The following NOL12 variants were observed in gnomAD, a reference collection of about 807,000 sequenced individuals.
NOL12 encodes nucleolar protein 12.
Under a neutral mutation model 25.2 loss-of-function variants are expected in NOL12, and 21 were observed. The ratio of observed to expected loss-of-function variants is 0.83; its 90% confidence interval spans 0.59 to 1.20. The LOEUF (loss-of-function observed/expected upper bound fraction) is 1.20. NOL12 is among the 50% of genes most tolerant of loss of function. The pLI is 0.00. For missense variants in NOL12, 286 were observed against 287.6 expected (o/e 0.99, Z 0.04); for synonymous variants, 133 against 113.8 (o/e 1.17, Z -1.08).
intron 3 of NOL12, 90 bp from the exon 4 acceptor site, chr22:37,688,760 G>C (rs1342555028): frequency 7.3e-7 from 1 of 1,364,762 alleles, no homozygotes; most frequent in East Asian, 2.3e-5. Context: ...CCACAGAGTA[G>C]AGGGGGCACT....
Position 37,691,965 on chromosome 22 carries a change from G to C in NOL12, c.*629G>C, listed in dbSNP as rs1338416115. On this transcript the variant is annotated 3_prime_UTR_variant, in exon 6 of 6. Transcript: ENST00000359114. ...ACACTGAAGTGGTGGAAGCAGTTGAGTGCCAGGTCATCCCCCATCACCACA... is the reference window on the plus strand; with the variant it reads ...ACACTGAAGTGGTGGAAGCAGTTGACTGCCAGGTCATCCCCCATCACCACA... The C allele has an allele frequency of 6.6e-6, 1 of 152,550 alleles. No individual in the cohort carries two copies. The highest frequency in any genetic ancestry group is 1.5e-5 in the Non-Finnish European group (1 of 68,268). The allele number at this position is 152,550 out of a possible 1,614,324, so 9.4% of individuals were successfully genotyped here.
Position 37,686,440 on chromosome 22 carries a change from G to A in NOL12, c.48G>A (p.Pro16=), listed in dbSNP as rs757228384. The A allele has an allele frequency of 1.4e-5, 22 of 1,605,648 alleles. No homozygotes were observed. The highest frequency in any genetic ancestry group is 1.1e-4 in the East Asian group (5 of 43,962). ...AGCGAGATGGTGACGACCGGCGGCC[G>A]AGGCTCGTTCTTAGCTTCGACGAGG... The part of the protein sequence containing the change: ...KKKRDGDDRR[P]RLVLSFDEEK... The change falls in exon 1 of 6, where the codon CCG becomes CCA. Residue 16 remains proline, a synonymous_variant. Coordinates refer to ENST00000359114, the MANE Select transcript of NOL12 (RefSeq NM_024313.3).
chr22:37,687,931 C>A lies in NOL12; in HGVS notation c.105C>A (p.His35Gln). 6.3e-7 allele frequency: 1 copy of A among 1,579,810 alleles called. No individual in the cohort carries two copies. Among genetic ancestry groups the A allele is most frequent in the African/African-American group, 1.3e-5 (1 of 74,376 alleles). Residue 35 changes from histidine to glutamine, a missense_variant, in exon 2 of 6, where the codon CAC becomes CAA. Physicochemically the swap from His to Gln is conservative, Grantham distance 24 (BLOSUM62 0). Transcript: ENST00000359114. ...EKRREYLTGF[H>Q]KRKVERKKAA... Reference sequence around the variant, plus strand: ...GTAGGGAGTACCTGACAGGCTTCCACAAGCGGAAGGTCGAGCGAAAGAAGG... The same window carrying A: ...GTAGGGAGTACCTGACAGGCTTCCAAAAGCGGAAGGTCGAGCGAAAGAAGG...
At position 37,691,462 on chromosome 22, in the gene NOL12, C is replaced by G. The variant is rs1179743828; in HGVS notation, c.*126C>G. On this transcript the variant is annotated 3_prime_UTR_variant, in exon 6 of 6. Transcript: ENST00000359114. Reference sequence around the variant, plus strand: ...CAGCTCAAGGTTGGGAAGCCAGGACCTCTCTGGCCTGGGGCCAGCTGCCTT... The same window carrying G: ...CAGCTCAAGGTTGGGAAGCCAGGACGTCTCTGGCCTGGGGCCAGCTGCCTT... 13 of 1,123,410 alleles carry G rather than the reference C, an allele frequency of 1.2e-5. No individual in the cohort carries two copies. The highest frequency in any genetic ancestry group is 8.7e-5 in the South Asian group (4 of 45,974). The allele number at this position is 1,123,410 out of a possible 1,614,324, so 69.6% of individuals were successfully genotyped here. A position where few individuals can be genotyped will look rare whatever the true frequency, so the allele number is the denominator to read the frequency against.
chr22:37,687,257 GGC>G (rs1491113226), intron 1 of NOL12: 4 of 139,656 alleles, frequency 2.9e-5, no homozygotes, highest in South Asian at 7.6e-4. Context: ...TACTGTGTGT[GGC>G]CCCCCCCCCC....
chr22:37,688,022 A>AG lies in NOL12; in HGVS notation c.189+12dup. Reference sequence around the variant, plus strand: ...GAGGAAGCTTCGGGAGGAGGTACGCAGGGGGAAGGTGGGAGGGAGGTCTTT... The same window carrying AG: ...GAGGAAGCTTCGGGAGGAGGTACGCAGGGGGGAAGGTGGGAGGGAGGTCTTT... On this transcript the variant is annotated splice_region_variant and intron_variant, in intron 2 of 5. Transcript: ENST00000359114. 2 of 844,748 alleles carry AG rather than the reference A, an allele frequency of 2.4e-6. No individual in the cohort carries two copies. The highest frequency in any genetic ancestry group is 3.7e-6 in the Non-Finnish European group (2 of 546,988). The allele number at this position is 844,748 out of a possible 1,614,324, so 52.3% of individuals were successfully genotyped here.
In NOL12 at chr22:37,692,705, C is replaced by G. The variant is rs886793216; in HGVS notation, c.*1369C>G. 5.0e-6 allele frequency: 2 copies of G among 399,004 alleles called. No homozygotes were observed. The highest frequency in any genetic ancestry group is 8.8e-6 in the Non-Finnish European group (2 of 226,470). 24.7% of individuals were successfully genotyped at this position (399,004 alleles called of 1,614,324 possible). ...GGCATCTGCGACAGGACTGCGGGCT[C>G]TACCCGCCCTGATGTGGGAGCTCCT... On this transcript the variant is annotated 3_prime_UTR_variant, in exon 6 of 6. Coordinates refer to ENST00000359114, the MANE Select transcript of NOL12 (RefSeq NM_024313.3).
At chr22:37,688,738 T>C in intron 3 of NOL12, 112 bp from the exon 4 acceptor site, 1 of 1,064,864 alleles carries the variant, frequency 9.4e-7, no homozygotes, top group Non-Finnish European at 1.4e-6. Context: ...ACCTTGTGGA[T>C]GCGCTCCACG....
At chr22:37,686,515 C>T (rs751640925) in intron 1 of NOL12, 40 bp downstream of exon 1, 1 of 1,546,378 alleles carries the variant, frequency 6.5e-7, no homozygotes, top group South Asian at 1.2e-5. Flanking sequence ...TCGAGCTGTT[C>T]TTCGCGGCCA....
intron 4 of NOL12, among the ~76,000 whole-genome samples, chr22:37,689,457 G>A (rs1260951161): frequency 3.3e-5 from 5 of 152,184 alleles, no homozygotes; most frequent in Admixed American, 6.5e-5. Flanking sequence ...TGTGCGATTC[G>A]CAGCCCTGGC....
chr22:37,686,391 C>T lies in NOL12; in HGVS notation c.-2C>T, dbSNP rs989095630. On this transcript the variant is annotated 5_prime_UTR_variant, in exon 1 of 6. Transcript: ENST00000359114. ...GGAGAGGAAGCCGGCGGCCTCACTG[C>T]TATGGGCCGCAACAAGAAGAAGAAG... 6.2e-7 allele frequency: 1 copy of T among 1,601,152 alleles called. No homozygotes were observed. The highest frequency in any genetic ancestry group is 8.5e-7 in the Non-Finnish European group (1 of 1,175,524).
Position 37,693,426 on chromosome 22 carries a change from C to T in NOL12, c.*2090C>T, listed in dbSNP as rs1922156173. The T allele has an allele frequency of 6.6e-6, 1 of 152,418 alleles. No individual in the cohort carries two copies. 9.4% of individuals were successfully genotyped at this position (152,418 alleles called of 1,614,324 possible). Reference sequence around the variant, plus strand: ...CAGTGACAAGGTCATTTACAACTTACATTTACAATTTATAGTGTTTACCAG... The same window carrying T: ...CAGTGACAAGGTCATTTACAACTTATATTTACAATTTATAGTGTTTACCAG... On this transcript the variant is annotated 3_prime_UTR_variant, in exon 6 of 6. Coordinates refer to ENST00000359114, the MANE Select transcript of NOL12 (RefSeq NM_024313.3).
intron 1 of NOL12, chr22:37,687,071 C>T (rs571868265): frequency 2.0e-6 from 2 of 985,360 alleles, no homozygotes; most frequent in African/African-American, 1.7e-5. Context: ...TGCTGGGCAT[C>T]ATCAGGAAAC....
intron 3 of NOL12, 42 bp downstream of exon 3, chr22:37,688,402 G>A (rs767006891): frequency 6.2e-7 from 1 of 1,601,242 alleles, no homozygotes; most frequent in South Asian, 1.1e-5. Flanking sequence ...CAGCTGATGG[G>A]CCTGGTTTAT....
chr22:37,688,481 G>GC, intron 3 of NOL12, 121 bp downstream of exon 3: 1 of 1,023,812 alleles, frequency 9.8e-7, no homozygotes, highest in Non-Finnish European at 1.5e-6. Flanking sequence ...GTACCCTGGG[G>GC]CCAGGGGTGG....
intron 1 of NOL12, chr22:37,687,257 G>GC (rs1921858020): frequency 7.2e-6 from 1 of 139,654 alleles, no homozygotes; most frequent in African/African-American, 3.9e-5. Flanking sequence ...TACTGTGTGT[G>GC]GCCCCCCCCC....
chr22:37,686,541 C>T, intron 1 of NOL12, 66 bp downstream of exon 1: 5 of 1,465,510 alleles, frequency 3.4e-6, no homozygotes, highest in Non-Finnish European at 4.5e-6. Context: ...AGGTCTGGGG[C>T]CGAGCACGCT....
At chr22:37,690,064 G>A (rs1181555179) in intron 4 of NOL12, among the ~76,000 whole-genome samples, 4 of 152,224 alleles carry the variant, frequency 2.6e-5, no homozygotes, top group African/African-American at 9.6e-5. Flanking sequence ...CCAGCTACTC[G>A]GGAGGCTGAA....
In NOL12 at chr22:37,692,650, G is replaced by T; in HGVS notation, c.*1314G>T. 2.5e-6 allele frequency: 1 copy of T among 398,824 alleles called. No homozygotes were observed. The highest frequency in any genetic ancestry group is 4.4e-6 in the Non-Finnish European group (1 of 226,208). 24.7% of individuals were successfully genotyped at this position (398,824 alleles called of 1,614,324 possible). ...GGCTTGCTGACGCCCGTGGACTATGGAGTCAGGATGACAGGACAGTGCGGT... is the reference window on the plus strand; with the variant it reads ...GGCTTGCTGACGCCCGTGGACTATGTAGTCAGGATGACAGGACAGTGCGGT... On this transcript the variant is annotated 3_prime_UTR_variant, in exon 6 of 6. Transcript: ENST00000359114.
Sources: allele counts gnomAD v4.1 joint callset (sites outside exome capture counted in the v4.1 genomes callset), GRCh38; gene constraint gnomAD v4.1.1; transcripts MANE v1.5; gene names NCBI Gene and HGNC (gene_info 2026-07-23, HGNC 2026-07-21).